DCC: variants seen among roughly 807,000 people sequenced by gnomAD.
DCC encodes DCC netrin 1 receptor.
A neutral mutation model predicts 172.5 loss-of-function variants in DCC; 58 were observed. That is an observed-to-expected ratio of 0.34 (90% CI 0.27 to 0.42). The LOEUF is 0.42. Ranked by LOEUF, DCC falls within the 10% of genes least tolerant of loss-of-function variation. DCC has a pLI of 1.00. For missense variants in DCC, 1,740 were observed against 1,791.0 expected (o/e 0.97, Z 0.51); for synonymous variants, 709 against 644.5 (o/e 1.10, Z -1.52).
intron 1 of DCC, among the ~76,000 whole-genome samples, chr18:52,403,045 A>G (rs1986499524): frequency 3.3e-5 from 5 of 152,060 alleles, no homozygotes; most frequent in Non-Finnish European, 7.4e-5. Flanking sequence ...CAAATCATTA[A>G]CAGAAGGATT....
chr18:53,468,342 T>TTATTTA (rs374157159), intron 25 of DCC, among the ~76,000 whole-genome samples: 7 of 131,018 alleles, frequency 5.3e-5, no homozygotes, highest in Non-Finnish European at 7.8e-5. Context: ...CATAGTTTAT[T>TTATTTA]TTTATTTATT....
At chr18:52,963,041 C>T (rs578146245) in intron 5 of DCC, among the ~76,000 whole-genome samples, 1 of 151,544 alleles carries the variant, frequency 6.6e-6, no homozygotes, top group Non-Finnish European at 1.5e-5. Flanking sequence ...ACCAACATGG[C>T]ACATGTATAC....
rs532621414 is a variant in DCC, at chr18:52,401,232, G to A, written c.91+60354G>A. 2.0e-5 allele frequency among the ~76,000 whole-genome samples: 3 copies of A among 152,050 alleles called. No individual in the cohort carries two copies. In the East Asian group the frequency reaches 5.8e-4, roughly 30 times the overall value. On this transcript the variant is annotated intron_variant, in intron 1 of 28. Coordinates refer to ENST00000442544, the MANE Select transcript of DCC (RefSeq NM_005215.4). ...TTCATCAGAATGCCATCAATCATAT[G>A]CTTTCCTAATGGGCATAACTCTGAC...
At chr18:52,614,860 T>C (rs1160263305) in intron 1 of DCC, among the ~76,000 whole-genome samples, 1 of 151,940 alleles carries the variant, frequency 6.6e-6, no homozygotes, top group African/African-American at 2.4e-5. Flanking sequence ...TTTGAGAAAA[T>C]AGTAACATAA....
chr18:53,349,628 A>G (rs1372172353), intron 15 of DCC, among the ~76,000 whole-genome samples: 3 of 152,220 alleles, frequency 2.0e-5, no homozygotes, highest in African/African-American at 4.8e-5. Context: ...GGCTGGGGAA[A>G]CCTCACAATC....
chr18:53,400,051 T>C (rs528171018), intron 18 of DCC, among the ~76,000 whole-genome samples: 3 of 152,144 alleles, frequency 2.0e-5, no homozygotes, highest in Non-Finnish European at 4.4e-5. Context: ...ATATAGTCTA[T>C]GTCTTTGAGC....
chr18:52,681,583 T>G (rs549127924), intron 1 of DCC, among the ~76,000 whole-genome samples: 1 of 152,270 alleles, frequency 6.6e-6, no homozygotes, highest in South Asian at 2.1e-4. Context: ...GGAGCATTTC[T>G]GATTAGTTCC....
At chr18:53,223,250 T>C (rs530326331) in intron 12 of DCC, among the ~76,000 whole-genome samples, 3 of 152,292 alleles carry the variant, frequency 2.0e-5, no homozygotes, top group East Asian at 3.9e-4. Context: ...TTTGAGAATG[T>C]TATATTTTTG....
intron 5 of DCC, among the ~76,000 whole-genome samples, chr18:53,030,162 T>G (rs971483453): frequency 2.6e-5 from 4 of 152,228 alleles, no homozygotes; most frequent in African/African-American, 9.6e-5. Flanking sequence ...GGAGATGGTC[T>G]CCAGGAAACT....
intron 26 of DCC, among the ~76,000 whole-genome samples, chr18:53,487,346 A>G (rs997554693): frequency 1.3e-5 from 2 of 152,334 alleles, no homozygotes; most frequent in South Asian, 2.1e-4. Flanking sequence ...TGAACCAATA[A>G]CTTGGGTGAA....
intron 1 of DCC, among the ~76,000 whole-genome samples, chr18:52,749,609 C>G (rs2036964504): frequency 6.6e-6 from 1 of 152,166 alleles, no homozygotes; most frequent in South Asian, 2.1e-4. Context: ...TGCCATTGAA[C>G]TGCAAGGGTA....
intron 12 of DCC, among the ~76,000 whole-genome samples, chr18:53,283,349 A>C (rs1458603831): frequency 6.6e-6 from 1 of 151,858 alleles, no homozygotes; most frequent in African/African-American, 2.4e-5. Flanking sequence ...AGAAAGAAGG[A>C]CTCATTTTCT....
intron 11 of DCC, among the ~76,000 whole-genome samples, chr18:53,208,699 C>T (rs1310966943): frequency 1.3e-5 from 2 of 152,116 alleles, no homozygotes; most frequent in African/African-American, 2.4e-5. Flanking sequence ...TGCTTCACTA[C>T]ACCCTTTATT....
chr18:53,101,135 T>C (rs2144218013), intron 7 of DCC, among the ~76,000 whole-genome samples: 1 of 152,242 alleles, frequency 6.6e-6, no homozygotes, highest in East Asian at 1.9e-4. Context: ...GAAATAATTA[T>C]AATCATGAAA....
At chr18:53,507,700 T>G (rs1044391353) in intron 27 of DCC, among the ~76,000 whole-genome samples, 5 of 152,176 alleles carry the variant, frequency 3.3e-5, no homozygotes, top group Non-Finnish European at 5.9e-5. Context: ...TGCCTCTCAT[T>G]TTGAAATGAA....
intron 1 of DCC, among the ~76,000 whole-genome samples, chr18:52,388,177 T>A (rs1242663724): frequency 6.6e-6 from 1 of 152,048 alleles, no homozygotes; most frequent in Non-Finnish European, 1.5e-5. Flanking sequence ...TGCTTCATGT[T>A]AGGTGTGACG....
At chr18:52,627,424 C>T (rs766137845) in intron 1 of DCC, among the ~76,000 whole-genome samples, 1 of 152,202 alleles carries the variant, frequency 6.6e-6, no homozygotes, top group Non-Finnish European at 1.5e-5. Flanking sequence ...ACACTGCCTT[C>T]AAGTTGCAGA....
chr18:53,409,309 A>G lies in DCC; in HGVS notation c.2936-1143A>G, dbSNP rs559411042. ...CGAAGACCTGTGGGTGAAGGTCCCC[A>G]GTCCAGCTGGGACAAGAGGGACTCA... On this transcript the variant is annotated intron_variant, in intron 19 of 28. Transcript: ENST00000442544. 4.1e-4 allele frequency among the ~76,000 whole-genome samples: 62 copies of G among 152,334 alleles called. No individual in the cohort carries two copies. In the South Asian group the frequency reaches 0.012, roughly 30 times the overall value.
chr18:53,257,344 T>A (rs1598954095), intron 12 of DCC, among the ~76,000 whole-genome samples: 1 of 152,192 alleles, frequency 6.6e-6, no homozygotes, highest in South Asian at 2.1e-4. Flanking sequence ...ATATTGGCTG[T>A]GGGTTTGTCA....
Sources: gnomAD v4.1 joint callset for allele counts (sites outside exome capture counted in the v4.1 genomes callset) on GRCh38, gnomAD v4.1.1 for gene constraint, MANE v1.5 for transcripts, NCBI Gene and HGNC (gene_info 2026-07-23, HGNC 2026-07-21) for gene names.